WDR44: variants seen among roughly 807,000 people sequenced by gnomAD.
WDR44 encodes WD repeat domain 44, also known as WD repeat-containing protein 44.
Under a neutral mutation model 65.7 loss-of-function variants are expected in WDR44, and 9 were observed. That is an observed-to-expected ratio of 0.14 (90% CI 0.08 to 0.24). WDR44 has a LOEUF of 0.24. Among genes scored for constraint, WDR44 ranks in the 10% least tolerant of loss-of-function variants. The pLI, the probability that WDR44 is intolerant of heterozygous loss-of-function variation, is 1.00. For missense variants in WDR44, 425 were observed against 670.9 expected, an observed-to-expected ratio of 0.63 and a Z score of 4.05; for synonymous variants, 220 against 235.2, an observed-to-expected ratio of 0.94 and a Z score of 0.59.
chrX:118,403,390 C>T (rs1423064798), intron 8 of WDR44, among the ~76,000 whole-genome samples: 1 of 111,504 alleles, frequency 9.0e-6, no homozygotes, highest in Non-Finnish European at 1.9e-5. Context: ...ACCACACATG[C>T]AAAGCCCCTG....
chrX:118,386,631 G>A (rs2056769518), intron 2 of WDR44, among the ~76,000 whole-genome samples: 1 of 111,107 alleles, frequency 9.0e-6, no homozygotes, highest in African/African-American at 3.3e-5. Context: ...TATTTATGGA[G>A]CAATGCTTTG....
At chrX:118,388,719 AT>A (rs2056792919) in intron 3 of WDR44, among the ~76,000 whole-genome samples, 1 of 111,995 alleles carries the variant, frequency 8.9e-6, no homozygotes, top group Non-Finnish European at 1.9e-5. Context: ...ATTGCCTATA[AT>A]TCTATACTAT....
At chrX:118,422,243 A>T (rs79132149) in intron 12 of WDR44, among the ~76,000 whole-genome samples, 176 of 109,725 alleles carry the variant, frequency 1.6e-3, no homozygotes, top group Middle Eastern at 4.6e-3. Flanking sequence ...AAAAAAAAAA[A>T]ATATATAGCC....
intron 11 of WDR44, among the ~76,000 whole-genome samples, chrX:118,410,024 A>G (rs1304643950): frequency 8.9e-6 from 1 of 112,357 alleles, no homozygotes; most frequent in Non-Finnish European, 1.9e-5. Flanking sequence ...AATTGTCAAT[A>G]TATCAAGGGA....
intron 17 of WDR44, 76 bp from the exon 18 acceptor site, chrX:118,443,484 A>C: frequency 1.8e-6 from 2 of 1,103,878 alleles, no homozygotes; most frequent in South Asian, 4.2e-5. Flanking sequence ...ACAAAGTAGG[A>C]AGCACTGATA....
chrX:118,406,650 G>A (rs1031239906), intron 9 of WDR44, among the ~76,000 whole-genome samples: 2 of 111,289 alleles, frequency 1.8e-5, no homozygotes, highest in Non-Finnish European at 3.8e-5. Flanking sequence ...AAGAGGCATC[G>A]AAAGTTGAGT....
chrX:118,424,339 A>ATATATATATATATG lies in WDR44; in HGVS notation c.1738-8433_1738-8432insATATGTATATATAT, dbSNP rs762485693. ...TGTGTGTGTGTATATATATATATAT[A>ATATATATATATATG]TATATATATGTATATATATATAATG... On this transcript the variant is annotated intron_variant, in intron 12 of 19. Transcript: ENST00000254029. 2.0e-3 allele frequency among the ~76,000 whole-genome samples: 170 copies of ATATATATATATATG among 85,266 alleles called. 2 individuals carry two copies. The highest frequency in any genetic ancestry group is 6.4e-3 in the African/African-American group (107 of 16,645). 74.0% of individuals were successfully genotyped at this position (85,266 alleles called of 115,157 possible).
chrX:118,436,383 A>C, intron 13 of WDR44: 1 of 252,548 alleles, frequency 4.0e-6, no homozygotes, highest in Non-Finnish European at 7.2e-6. Flanking sequence ...CTAAGTTCCA[A>C]TATGTGCAGG....
chrX:118,428,406 C>A (rs1478618486), intron 12 of WDR44, among the ~76,000 whole-genome samples: 2 of 111,189 alleles, frequency 1.8e-5, no homozygotes, highest in Admixed American at 9.7e-5. Flanking sequence ...TCCCAAAGCA[C>A]TGGGATTACA....
rs1328790032 is a variant in WDR44 at position 118,414,237 on chromosome X, T to C, written c.1737+3278T>C. On this transcript the variant is annotated intron_variant, in intron 12 of 19. Coordinates refer to ENST00000254029, the MANE Select transcript of WDR44 (RefSeq NM_019045.5). ...AATGATGGTGGTATTTTGATGGGGA[T>C]TGCGTTGAACTTGCGATTGCTTTTT... Among the ~76,000 whole-genome samples, 3 of 107,757 alleles carry C rather than the reference T, an allele frequency of 2.8e-5. No individual in the cohort carries two copies. In the East Asian group the frequency reaches 8.8e-4, roughly 32 times the overall value. The allele number at this position is 107,757 out of a possible 115,157, so 93.6% of individuals were successfully genotyped here.
chrX:118,442,943 C>T (rs758397283), intron 17 of WDR44, among the ~76,000 whole-genome samples: 3 of 111,404 alleles, frequency 2.7e-5, no homozygotes, highest in Non-Finnish European at 5.7e-5. Context: ...TATGAAGACT[C>T]TCATCTCTAG....
intron 12 of WDR44, among the ~76,000 whole-genome samples, chrX:118,425,210 C>T (rs746033535): frequency 1.2e-4 from 13 of 111,870 alleles, no homozygotes; most frequent in South Asian, 1.1e-3. Context: ...GATGTCGATG[C>T]GGGGATCAGA....
chrX:118,371,204 A>G (rs1290137901), intron 1 of WDR44, among the ~76,000 whole-genome samples: 2 of 111,998 alleles, frequency 1.8e-5, no homozygotes, highest in Non-Finnish European at 3.8e-5. Flanking sequence ...CAGGCATAGG[A>G]AGACTACTAC....
chrX:118,371,428 T>A (rs990283300), intron 1 of WDR44, among the ~76,000 whole-genome samples: 1 of 111,299 alleles, frequency 9.0e-6, no homozygotes, highest in Non-Finnish European at 1.9e-5. Flanking sequence ...GTTTCAAAAT[T>A]GCTGAGAGAG....
At position 118,447,890 on chromosome X, in the gene WDR44, A is replaced by T. The variant is rs1306771868; in HGVS notation, c.2648-1003A>T. Among the ~76,000 whole-genome samples, 21 of 94,784 alleles carry T rather than the reference A, an allele frequency of 2.2e-4. No homozygotes were observed. The South Asian group carries it at 8.2e-3, about 37-fold the overall frequency. 82.3% of individuals were successfully genotyped at this position (94,784 alleles called of 115,157 possible). On this transcript the variant is annotated intron_variant, in intron 19 of 19. Transcript: ENST00000254029. ...CTCTATCTAAAATATATATATATAT[A>T]TATATATATATATATATATATATAC...
intron 8 of WDR44, among the ~76,000 whole-genome samples, chrX:118,399,243 A>G (rs1168877884): frequency 8.9e-6 from 1 of 112,190 alleles, no homozygotes; most frequent in African/African-American, 3.2e-5. Context: ...ACATTAAACA[A>G]TCAAAGCGTA....
intron 3 of WDR44, among the ~76,000 whole-genome samples, chrX:118,390,779 A>G (rs993972684): frequency 8.9e-6 from 1 of 111,980 alleles, no homozygotes; most frequent in African/African-American, 3.2e-5. Context: ...CTTTACCTAC[A>G]TATTTATTGT....
intron 3 of WDR44, among the ~76,000 whole-genome samples, chrX:118,391,934 G>A (rs1034586467): frequency 8.9e-6 from 1 of 111,812 alleles, no homozygotes; most frequent in Non-Finnish European, 1.9e-5. Context: ...AGCCAAGATC[G>A]TGCCACTGCA....
chrX:118,387,073 T>C (rs2056774984), intron 2 of WDR44, among the ~76,000 whole-genome samples: 1 of 106,449 alleles, frequency 9.4e-6, no homozygotes. Context: ...TCCCAGCTAC[T>C]CGGGAGGCTG....
Sources: allele counts gnomAD v4.1 joint callset (sites outside exome capture counted in the v4.1 genomes callset), GRCh38; gene constraint gnomAD v4.1.1; transcripts MANE v1.5; gene names NCBI Gene and HGNC (gene_info 2026-07-23, HGNC 2026-07-21).